Variants in KIAA1210 observed in about 807,000 individuals in gnomAD.
KIAA1210 encodes the protein KIAA1210, also known as acrosomal protein KIAA1210.
A neutral mutation model predicts 78.9 loss-of-function variants in KIAA1210; 48 were observed. The observed-to-expected ratio is 0.61, with a 90% CI of 0.48 to 0.77. The LOEUF (loss-of-function observed/expected upper bound fraction) is 0.77. Ranked by LOEUF, KIAA1210 falls within the 30% of genes least tolerant of loss-of-function variation. The probability of loss-of-function intolerance (pLI) is 0.00; values close to 1 mark genes in which losing one functional copy is unlikely to be tolerated. For synonymous variants in KIAA1210, 406 were observed against 404.5 expected (o/e 1.00, Z -0.04); for missense variants, 1,108 against 1,100.0 (o/e 1.01, Z -0.10).
chrX:119,101,715 T>G (rs950573947), intron 6 of KIAA1210, among the ~76,000 whole-genome samples: 1 of 111,880 alleles, frequency 8.9e-6, no homozygotes, highest in Admixed American at 9.5e-5. Flanking sequence ...AACTTGAAAG[T>G]TCTTAGAGAT....
rs373503324 is a variant in KIAA1210 at position 119,105,125 on chromosome X, C to T, written c.515G>A (p.Arg172Gln). Residue 172 changes from arginine (R) to glutamine (Q), a missense_variant, in exon 6 of 12, where the codon CGA becomes CAA. Arg to Gln is a conservative substitution (Grantham distance 43). Coordinates refer to ENST00000691062, the MANE Select transcript of KIAA1210 (RefSeq NM_001394962.1). ...ITENPPSRRR[R>Q]LSIIPPVIQP... ...GATAACAGGTGGGATGATGCTGAGT[C>T]GGCGTCGGCGCGATGGTGGGTTCTG... 1.4e-5 allele frequency: 17 copies of T among 1,204,081 alleles called. No individual in the cohort carries two copies. Among genetic ancestry groups the T allele is most frequent in the Non-Finnish European group, 1.8e-5 (16 of 892,788 alleles).
chrX:119,100,733 C>T, intron 6 of KIAA1210, among the ~76,000 whole-genome samples: 1 of 111,740 alleles, frequency 8.9e-6, no homozygotes, highest in East Asian at 2.8e-4. Flanking sequence ...TCCCTCACTC[C>T]CACTCTTCCA....
In KIAA1210 at chrX:119,085,496, T is replaced by C; in HGVS notation, c.4207A>G (p.Ile1403Val). 8.3e-7 allele frequency: 1 copy of C among 1,211,207 alleles called. No homozygotes were observed. Among genetic ancestry groups the C allele is most frequent in the African/African-American group, 1.7e-5 (1 of 57,825 alleles). The stretch of plus-strand genomic sequence containing the variant: ...TTCTGCTTCTGCTTTGCCATAGTTA[T>C]CCAAACCGGCTCTGAGACAGCATAA... ...SDYAVSEPVW[I>V]TMAKQKQKSF... The change falls in exon 10 of 12, where the codon ATA becomes GTA. Residue 1403 changes from isoleucine to valine, a missense_variant. Around this residue, in one of 5 missense-constraint regions of KIAA1210, gnomAD observed 245 missense variants for 278.8 expected, o/e 0.88. Coordinates refer to ENST00000691062, the MANE Select transcript of KIAA1210 (RefSeq NM_001394962.1).
chrX:119,124,730 A>AT (rs1194951467), intron 1 of KIAA1210, among the ~76,000 whole-genome samples: 10 of 110,869 alleles, frequency 9.0e-5, no homozygotes, highest in African/African-American at 1.3e-4. Flanking sequence ...CTCTACAAAA[A>AT]TTTTTTTTAA....
rs1404948060 is a variant in KIAA1210, at chrX:119,136,146, G to C, written c.410+11327C>G. 2.7e-5 allele frequency among the ~76,000 whole-genome samples: 3 copies of C among 112,112 alleles called. No individual in the cohort carries two copies. In the Admixed American group the frequency reaches 2.8e-4, roughly 11 times the overall value. On this transcript the variant is annotated intron_variant, in intron 2 of 13. Coordinates refer to the KIAA1210 transcript ENST00000402510. ...ATTGGATTCTGTGGGATTTGATATA[G>C]ATATCTCCTGCTCTTAGAATTCAAA...
intron 2 of KIAA1210, among the ~76,000 whole-genome samples, chrX:119,119,198 CTTGT>C (rs1928367790): frequency 8.9e-6 from 1 of 112,658 alleles, no homozygotes; most frequent in South Asian, 3.7e-4. Context: ...TCAGTAATTA[CTTGT>C]TTATCAGGGC....
rs781087608 is a variant in KIAA1210 at position 119,099,180 on chromosome X, C to T, written c.649-2489G>A. ...GTACATATTTAATAAATATAAAGAA[C>T]TTTCAATTCAGTTGGCATCCCAAAC... On this transcript the variant is annotated intron_variant, in intron 6 of 11. Coordinates refer to ENST00000691062, the MANE Select transcript of KIAA1210 (RefSeq NM_001394962.1). 4.6e-4 allele frequency among the ~76,000 whole-genome samples: 52 copies of T among 112,818 alleles called. 2 individuals carry two copies. The highest frequency in any genetic ancestry group is 9.6e-5 in the African/African-American group (3 of 31,112).
intron 5 of KIAA1210, among the ~76,000 whole-genome samples, chrX:119,107,725 A>C (rs41422745): frequency 8.9e-6 from 1 of 111,869 alleles, no homozygotes; most frequent in Admixed American, 9.5e-5. Flanking sequence ...ATGGAAAATA[A>C]TCATCTCTCC....
chrX:119,093,933 G>A, intron 7 of KIAA1210, 158 bp from the exon 8 acceptor site: 1 of 939,289 alleles, frequency 1.1e-6, no homozygotes. Context: ...ATATTTCCAG[G>A]GATTTCTTAA....
Position 119,086,927 on chromosome X carries a change from C to T in KIAA1210, c.3775G>A (p.Ala1259Thr). 2 of 1,211,338 alleles carry T rather than the reference C, an allele frequency of 1.7e-6. No homozygotes were observed. Among genetic ancestry groups the T allele is most frequent in the Non-Finnish European group, 1.1e-6 (1 of 895,321 alleles). Residue 1259 changes from alanine (A) to threonine (T), a missense_variant, in exon 9 of 12, where the codon GCT (alanine) becomes ACT (threonine). Ala to Thr is a moderately conservative substitution (Grantham distance 58, BLOSUM62 0). Around this residue, in one of 5 missense-constraint regions of KIAA1210, gnomAD observed 245 missense variants for 278.8 expected, o/e 0.88. Coordinates refer to ENST00000691062, the MANE Select transcript of KIAA1210 (RefSeq NM_001394962.1). The part of the protein sequence containing the change: ...PATKPGKFTI[A>T]PVRQTSTSGG... ...GAAGTGGATGTTTGCCTGACAGGAG[C>T]AATGGTGAACTTCCCAGGTTTGGTA... is the stretch of plus-strand genomic sequence containing the variant.
chrX:119,106,995 A>C (rs952090620), intron 5 of KIAA1210, among the ~76,000 whole-genome samples: 1 of 112,400 alleles, frequency 8.9e-6, no homozygotes, highest in African/African-American at 3.2e-5. Flanking sequence ...AGGACCCTTG[A>C]CTTAATGCTA....
At chrX:119,084,918 G>C (rs750430803) in intron 10 of KIAA1210, among the ~76,000 whole-genome samples, 31 of 111,682 alleles carry the variant, frequency 2.8e-4, no homozygotes, top group Non-Finnish European at 4.5e-4. Context: ...GTCTCACTCT[G>C]TCACCCAGGC....
chrX:119,142,559 C>A (rs1377345020), intron 2 of KIAA1210, among the ~76,000 whole-genome samples: 2 of 109,949 alleles, frequency 1.8e-5, no homozygotes, highest in Non-Finnish European at 3.8e-5. Context: ...GGGTGAATCA[C>A]CTGAGGTCAG....
intron 10 of KIAA1210, among the ~76,000 whole-genome samples, chrX:119,084,876 C>T (rs892851803): frequency 8.9e-6 from 1 of 111,988 alleles, no homozygotes. Flanking sequence ...TGACTTTGCA[C>T]AACACCCCCG....
upstream of KIAA1210, among the ~76,000 whole-genome samples, chrX:119,127,843 T>C (rs1364279565): frequency 8.9e-6 from 1 of 112,247 alleles, no homozygotes; most frequent in Non-Finnish European, 1.9e-5. Flanking sequence ...TTCCTTTAAC[T>C]TTCAGCAGCA....
intron 1 of KIAA1210, among the ~76,000 whole-genome samples, chrX:119,124,578 T>A (rs1243343329): frequency 1.8e-5 from 2 of 111,916 alleles, no homozygotes; most frequent in Non-Finnish European, 3.8e-5. Flanking sequence ...AAGAAAAGAC[T>A]GAAACATCTG....
intron 2 of KIAA1210, among the ~76,000 whole-genome samples, chrX:119,121,779 T>TC (rs1569320920): frequency 1.8e-5 from 2 of 111,142 alleles, no homozygotes; most frequent in Non-Finnish European, 3.8e-5. Flanking sequence ...TTATTATTTT[T>TC]TTTTTTTGAG....
At position 119,088,957 on chromosome X, in the gene KIAA1210, T is replaced by A. The variant is rs1370036258; in HGVS notation, c.1745A>T (p.Tyr582Phe). 1 of 1,210,212 alleles carries A rather than the reference T, an allele frequency of 8.3e-7. No individual in the cohort carries two copies. The highest frequency in any genetic ancestry group is 1.1e-6 in the Non-Finnish European group (1 of 895,157). The change falls in exon 9 of 12, where the codon TAT becomes TTT. Residue 582 changes from tyrosine to phenylalanine, a missense_variant. Transcript: ENST00000691062. ...GCTTCTGGGAGGCAGAGTCTTGGCA[T>A]AAACATCTCCTTTGGCTGTAGTACT... Reference protein sequence around the residue: ...MTSTTAKGDVYAKTLPPRSLF... With the variant: ...MTSTTAKGDVFAKTLPPRSLF...
chrX:119,089,823 C>T, intron 8 of KIAA1210, 77 bp from the exon 9 acceptor site: 1 of 934,307 alleles, frequency 1.1e-6, no homozygotes, highest in Non-Finnish European at 1.5e-6. Context: ...GTGCCCTGGC[C>T]CAGTGGTACC....
Sources: allele counts gnomAD v4.1 joint callset (sites outside exome capture counted in the v4.1 genomes callset), GRCh38; gene constraint gnomAD v4.1.1; regional missense constraint gnomAD v4.1.1; transcripts MANE v1.5; gene names NCBI Gene and HGNC (gene_info 2026-07-23, HGNC 2026-07-21).